CSMD1: variants seen among roughly 807,000 people sequenced by gnomAD.
CSMD1 encodes CUB and Sushi multiple domains 1.
Under a neutral mutation model 417.5 loss-of-function variants are expected in CSMD1, and 213 were observed. The ratio of observed to expected loss-of-function variants is 0.51; its 90% CI spans 0.46 to 0.57. The LOEUF is 0.57. Ranked by LOEUF, CSMD1 falls within the 20% of genes least tolerant of loss-of-function variation. CSMD1 has a pLI of 0.00. For missense variants in CSMD1, 6,923 were observed against 4,529.7 expected (o/e 1.53, Z -15.17); for synonymous variants, 2,862 against 1,736.8 (o/e 1.65, Z -16.11).
At chr8:4,176,919 G>T (rs1312940775) in intron 3 of CSMD1, among the ~76,000 whole-genome samples, 1 of 149,578 alleles carries the variant, frequency 6.7e-6, no homozygotes. Context: ...GGAGCACCCA[G>T]ATTCATAAAG....
intron 1 of CSMD1, among the ~76,000 whole-genome samples, chr8:4,950,729 C>G (rs979022983): frequency 6.6e-6 from 1 of 152,084 alleles, no homozygotes. Flanking sequence ...TTGAATACCA[C>G]GCACTTTCAA....
At chr8:3,468,946 C>G in intron 11 of CSMD1, 122 bp from the exon 12 acceptor site, 1 of 601,970 alleles carries the variant, frequency 1.7e-6, no homozygotes, top group Non-Finnish European at 3.0e-6. Context: ...GCAAGACCCT[C>G]TTTCAAAGAC....
At chr8:4,745,528 G>A (rs1182716695) in intron 1 of CSMD1, among the ~76,000 whole-genome samples, 1 of 152,060 alleles carries the variant, frequency 6.6e-6, no homozygotes, top group Admixed American at 6.6e-5. Context: ...ACCCATTCAG[G>A]CTTTTGTTTG....
At chr8:4,944,976 A>T (rs996487769) in intron 1 of CSMD1, among the ~76,000 whole-genome samples, 4 of 152,230 alleles carry the variant, frequency 2.6e-5, no homozygotes, top group Non-Finnish European at 5.9e-5. Flanking sequence ...AGAGCTATTC[A>T]AAACAGACGA....
chr8:3,325,718 G>T (rs967927187), intron 23 of CSMD1, among the ~76,000 whole-genome samples: 5 of 152,298 alleles, frequency 3.3e-5, no homozygotes, highest in Admixed American at 2.0e-4. Context: ...CAGCTACTCG[G>T]GAAGCTGAGG....
rs192457297 is a variant in CSMD1 at position 4,489,331 on chromosome 8, A to G, written c.303-69266T>C. On this transcript the variant is annotated intron_variant, in intron 2 of 69. Coordinates refer to ENST00000635120, the MANE Select transcript of CSMD1 (RefSeq NM_033225.6). The stretch of plus-strand genomic sequence containing the variant: ...AGATTCAATGCATAAGGAAAAACTT[A>G]TTTGAGTATTTTGCTGTTGTTTGCT... Among the ~76,000 whole-genome samples the G allele has an allele frequency of 7.9e-5, 12 of 152,306 alleles. No individual in the cohort carries two copies. In the East Asian group the frequency reaches 2.1e-3, roughly 27 times the overall value.
intron 1 of CSMD1, among the ~76,000 whole-genome samples, chr8:4,979,521 C>T (rs1475180856): frequency 1.3e-5 from 2 of 152,058 alleles, no homozygotes; most frequent in Non-Finnish European, 2.9e-5. Flanking sequence ...TCATAAGATA[C>T]TCACTGTCTA....
chr8:3,926,074 A>ACC, intron 5 of CSMD1, among the ~76,000 whole-genome samples: 6 of 103,246 alleles, frequency 5.8e-5, no homozygotes, highest in African/African-American at 2.2e-4. Flanking sequence ...ACACACACAC[A>ACC]AACACCATAC....
At chr8:4,805,440 C>G (rs960841404) in intron 1 of CSMD1, among the ~76,000 whole-genome samples, 1 of 152,066 alleles carries the variant, frequency 6.6e-6, no homozygotes, top group Non-Finnish European at 1.5e-5. Flanking sequence ...CTACTACAGC[C>G]AGGAGGCTCA....
intron 1 of CSMD1, among the ~76,000 whole-genome samples, chr8:4,916,411 CA>C (rs1433220759): frequency 6.6e-6 from 1 of 152,172 alleles, no homozygotes; most frequent in Non-Finnish European, 1.5e-5. Context: ...CACATATGCA[CA>C]TATAAATATG....
intron 1 of CSMD1, among the ~76,000 whole-genome samples, chr8:4,684,988 A>C (rs187726871): frequency 4.0e-4 from 61 of 152,328 alleles, no homozygotes; most frequent in African/African-American, 1.4e-3. Context: ...TAAGAAAAAA[A>C]GTGACACTAA....
chr8:3,526,082 T>G (rs961987601), intron 10 of CSMD1, among the ~76,000 whole-genome samples: 1 of 152,202 alleles, frequency 6.6e-6, no homozygotes, highest in Non-Finnish European at 1.5e-5. Context: ...ACCATCAACA[T>G]GCTGAATTGT....
intron 58 of CSMD1, 31 bp from the exon 59 acceptor site, chr8:2,965,985 G>A (rs910094630): frequency 5.8e-6 from 9 of 1,551,450 alleles, no homozygotes; most frequent in Non-Finnish European, 7.0e-6. Context: ...AAGAATCAGA[G>A]AAATTCATTT....
chr8:2,958,632 A>G (rs1585051759), intron 62 of CSMD1, among the ~76,000 whole-genome samples: 1 of 152,240 alleles, frequency 6.6e-6, no homozygotes, highest in South Asian at 2.1e-4. Context: ...TGAGGCCAGC[A>G]TGACTCATGT....
intron 3 of CSMD1, among the ~76,000 whole-genome samples, chr8:4,366,030 G>A (rs984544382): frequency 2.6e-5 from 4 of 152,080 alleles, no homozygotes; most frequent in Non-Finnish European, 4.4e-5. Context: ...TGTCGCCCAG[G>A]TAGTGAGCAC....
intron 3 of CSMD1, among the ~76,000 whole-genome samples, chr8:4,045,167 G>A (rs4634662): frequency 0.22 from 33,460 of 152,090 alleles, 3,867 homozygotes; most frequent in Middle Eastern, 0.28. Context: ...GTCGTGGGCT[G>A]GGGTACCGGG....
intron 3 of CSMD1, among the ~76,000 whole-genome samples, chr8:4,107,015 A>T (rs56146618): frequency 6.6e-6 from 1 of 152,168 alleles, no homozygotes; most frequent in African/African-American, 2.4e-5. Flanking sequence ...CAGGAGAGAA[A>T]ATTGTATGAG....
At chr8:4,267,695 T>A (rs142484604) in intron 3 of CSMD1, among the ~76,000 whole-genome samples, 7 of 152,226 alleles carry the variant, frequency 4.6e-5, no homozygotes, top group African/African-American at 1.4e-4. Context: ...CTTAGTGTCT[T>A]ACATGACTTT....
intron 10 of CSMD1, among the ~76,000 whole-genome samples, chr8:3,541,082 A>G (rs1035910308): frequency 1.3e-5 from 2 of 152,252 alleles, no homozygotes; most frequent in Admixed American, 6.5e-5. Context: ...ATGCACATGT[A>G]TGTTCACTGC....
Sources: allele counts gnomAD v4.1 joint callset (sites outside exome capture counted in the v4.1 genomes callset), GRCh38; gene constraint gnomAD v4.1.1; transcripts MANE v1.5; gene names NCBI Gene and HGNC (gene_info 2026-07-23, HGNC 2026-07-21).